Variants in ELOVL7 observed in about 807,000 individuals in gnomAD.
The protein encoded by ELOVL7 is very long chain fatty acid elongase 7.
Under a neutral mutation model 35.7 loss-of-function variants are expected in ELOVL7, and 27 were observed. The ratio of observed to expected loss-of-function variants is 0.76; its 90% CI spans 0.56 to 1.04. The LOEUF (loss-of-function observed/expected upper bound fraction) is 1.04. ELOVL7 is among the 50% of genes least tolerant of loss of function. The probability of loss-of-function intolerance (pLI) is 0.00; values close to 1 mark genes in which losing one functional copy is unlikely to be tolerated. For synonymous variants in ELOVL7, 113 were observed against 114.6 expected (o/e 0.99, Z 0.09); for missense variants, 327 against 340.8 (o/e 0.96, Z 0.32).
chr5:60,829,223 T>C (rs1181015730), intron 1 of ELOVL7, among the ~76,000 whole-genome samples: 5 of 152,100 alleles, frequency 3.3e-5, no homozygotes. Flanking sequence ...TATTTCCCAA[T>C]TCTTTTCCTA....
At chr5:60,784,110 CT>C in intron 3 of ELOVL7, 4 of 1,489,100 alleles carry the variant, frequency 2.7e-6, no homozygotes, top group Non-Finnish European at 3.6e-6. Context: ...TATTAATGGG[CT>C]TTTCCATCAG....
chr5:60,819,899 CA>C (rs1191602834), intron 1 of ELOVL7, among the ~76,000 whole-genome samples: 1 of 152,118 alleles, frequency 6.6e-6, no homozygotes, highest in African/African-American at 2.4e-5. Context: ...CTAATATGTC[CA>C]AAAGGGTTTC....
chr5:60,768,499 G>A, intron 4 of ELOVL7: 1 of 301,522 alleles, frequency 3.3e-6, no homozygotes, highest in South Asian at 3.1e-5. Flanking sequence ...AAGTAAAAGA[G>A]GAAAATGCTC....
chr5:60,816,237 G>A (rs748643927), intron 1 of ELOVL7, among the ~76,000 whole-genome samples: 1 of 152,064 alleles, frequency 6.6e-6, no homozygotes, highest in Admixed American at 6.6e-5. Context: ...AAAATTAGCC[G>A]GGCATGGTGG....
intron 1 of ELOVL7, chr5:60,843,304 C>G (rs571417619): frequency 6.6e-6 from 1 of 152,118 alleles, no homozygotes. Context: ...CTGTCCGCAC[C>G]GGGTGAAGTT....
chr5:60,760,196 T>A (rs1466875701), intron 7 of ELOVL7, among the ~76,000 whole-genome samples: 3 of 152,174 alleles, frequency 2.0e-5, no homozygotes, highest in Non-Finnish European at 4.4e-5. Flanking sequence ...TAGTTCTAGA[T>A]CCCTGAGGAA....
Position 60,776,200 on chromosome 5 carries a change from G to A in ELOVL7, c.65-4107C>T, listed in dbSNP as rs183511644. On this transcript the variant is annotated intron_variant, in intron 3 of 8. Transcript: ENST00000508821. ...CTTCACAAAAGAAGACATACAAGCG[G>A]CCAACAAACATTAAAAAGTCAAATA... is the stretch of plus-strand genomic sequence containing the variant. Among the ~76,000 whole-genome samples the A allele has an allele frequency of 2.0e-5, 3 of 152,208 alleles. No homozygotes were observed. In the East Asian group the frequency reaches 5.8e-4, roughly 29 times the overall value.
chr5:60,759,211 C>T (rs1432895252), intron 7 of ELOVL7, among the ~76,000 whole-genome samples: 1 of 152,158 alleles, frequency 6.6e-6, no homozygotes, highest in Non-Finnish European at 1.5e-5. Context: ...TAAACTTTCT[C>T]CTCCTGACAA....
chr5:60,813,863 A>G (rs1471331019), intron 1 of ELOVL7, among the ~76,000 whole-genome samples: 3 of 152,200 alleles, frequency 2.0e-5, no homozygotes, highest in Non-Finnish European at 4.4e-5. Flanking sequence ...ACACTGAAAC[A>G]ATCATCAAAT....
At chr5:60,778,653 T>C (rs1437236241) in intron 3 of ELOVL7, among the ~76,000 whole-genome samples, 1 of 152,198 alleles carries the variant, frequency 6.6e-6, no homozygotes, top group Admixed American at 6.5e-5. Context: ...ATGTGGGGAT[T>C]ATAGGAACTA....
chr5:60,812,247 G>T (rs918266852), intron 1 of ELOVL7, among the ~76,000 whole-genome samples: 7 of 151,866 alleles, frequency 4.6e-5, no homozygotes, highest in African/African-American at 1.7e-4. Flanking sequence ...ATTAAATAAA[G>T]AAAAGGAAAT....
At chr5:60,762,713 A>G (rs1383206398) in intron 7 of ELOVL7, among the ~76,000 whole-genome samples, 1 of 152,192 alleles carries the variant, frequency 6.6e-6, no homozygotes, top group Non-Finnish European at 1.5e-5. Flanking sequence ...ATACTTTAAA[A>G]ATAGAATAGT....
intron 3 of ELOVL7, among the ~76,000 whole-genome samples, chr5:60,781,805 T>C (rs1031745777): frequency 4.6e-5 from 7 of 152,228 alleles, no homozygotes; most frequent in Non-Finnish European, 8.8e-5. Flanking sequence ...TGGCTCGCTA[T>C]GTCACCTTGG....
chr5:60,807,963 C>T (rs1745029709), intron 1 of ELOVL7, among the ~76,000 whole-genome samples: 1 of 119,292 alleles, frequency 8.4e-6, no homozygotes. Flanking sequence ...CATGCCACTG[C>T]ACTCCAGCCT....
intron 3 of ELOVL7, among the ~76,000 whole-genome samples, chr5:60,778,922 C>T (rs923098179): frequency 6.6e-6 from 1 of 152,218 alleles, no homozygotes; most frequent in Admixed American, 6.5e-5. Context: ...GATACAGGCA[C>T]TGCATAAATA....
Position 60,767,867 on chromosome 5 carries a change from GA to G in ELOVL7, c.291del (p.Arg98AspfsTer14), listed in dbSNP as rs1561426534. 1 of 1,613,794 alleles carries G rather than the reference GA, an allele frequency of 6.2e-7. No individual in the cohort carries two copies. The highest frequency in any genetic ancestry group is 1.3e-5 in the African/African-American group (1 of 74,990). ...VMSGWGIGYS[F>X]RCDIVDYSRS... ...CGTGAATAGTCAACAATGTCACATC[GA>G]AATGAATAACCTATACCCCAGCCAG... On this transcript the variant is annotated frameshift_variant, in exon 5 of 9. Transcript: ENST00000508821. LOFTEE classifies it high-confidence loss of function.
intron 8 of ELOVL7, among the ~76,000 whole-genome samples, chr5:60,756,882 C>A (rs949716045): frequency 6.6e-6 from 1 of 152,020 alleles, no homozygotes; most frequent in African/African-American, 2.4e-5. Context: ...TCATCTCAAA[C>A]CCATAATGAG....
intron 2 of ELOVL7, among the ~76,000 whole-genome samples, chr5:60,789,637 C>T (rs190283029): frequency 6.6e-6 from 1 of 152,296 alleles, no homozygotes; most frequent in African/African-American, 2.4e-5. Flanking sequence ...GAAATACATA[C>T]ACATATTCAG....
intron 3 of ELOVL7, among the ~76,000 whole-genome samples, chr5:60,783,155 G>A (rs1743363926): frequency 6.6e-6 from 1 of 152,128 alleles, no homozygotes; most frequent in African/African-American, 2.4e-5. Context: ...TTCCTCACCT[G>A]TATTTAGGGC....
Sources: allele counts gnomAD v4.1 joint callset (sites outside exome capture counted in the v4.1 genomes callset), GRCh38; gene constraint gnomAD v4.1.1; transcripts MANE v1.5; gene names NCBI Gene and HGNC (gene_info 2026-07-23, HGNC 2026-07-21).